The following USP25 variants were observed in gnomAD, a reference collection of about 807,000 sequenced individuals.
USP25 encodes the protein ubiquitin carboxyl-terminal hydrolase 25.
Under a neutral mutation model 158.5 loss-of-function variants are expected in USP25, and 85 were observed. The observed-to-expected ratio is 0.54, with a 90% CI of 0.45 to 0.64. The LOEUF is 0.64. USP25 is among the 30% of genes least tolerant of loss of function. The pLI, the probability that USP25 is intolerant of heterozygous loss-of-function variation, is 0.00. For synonymous variants in USP25, 464 were observed against 460.4 expected (o/e 1.01, Z -0.10); for missense variants, 1,242 against 1,327.3 (o/e 0.94, Z 1.00).
At chr21:15,842,676 C>A in intron 18 of USP25, 136 bp downstream of exon 18, 4 of 1,042,088 alleles carry the variant, frequency 3.8e-6, no homozygotes, top group Non-Finnish European at 5.4e-6. Context: ...GATCAGTGAC[C>A]ATGGGCAAGT....
chr21:15,787,902 A>AACC (rs2035376132), intron 4 of USP25, among the ~76,000 whole-genome samples: 1 of 83,650 alleles, frequency 1.2e-5, no homozygotes, highest in Non-Finnish European at 2.6e-5. Context: ...ACACCCCCTC[A>AACC]CCCCCCCCCC....
At chr21:15,751,702 T>G (rs1002665534) in intron 1 of USP25, among the ~76,000 whole-genome samples, 2 of 152,238 alleles carry the variant, frequency 1.3e-5, no homozygotes, top group African/African-American at 4.8e-5. Flanking sequence ...AAAAACAGAC[T>G]GTGTTCCAAA....
intron 20 of USP25, among the ~76,000 whole-genome samples, chr21:15,863,666 C>G (rs957437436): frequency 2.6e-5 from 4 of 152,172 alleles, no homozygotes; most frequent in Non-Finnish European, 5.9e-5. Context: ...CAGAATTACT[C>G]ACATTGTAAG....
chr21:15,805,177 T>C lies in USP25; in HGVS notation c.699T>C (p.Val233=). The change falls in exon 7 of 26, where the codon GTT becomes GTC. Residue 233 remains valine, a synonymous_variant. Coordinates refer to ENST00000400183, the MANE Select transcript of USP25 (RefSeq NM_001283041.3). ...TGAGGTATCTATTTGCACTTCTTGT[T>C]GGTACCAAAAGGAAGTATGTTGATC... ...RELRYLFALL[V]GTKRKYVDPS... 6.2e-7 allele frequency: 1 copy of C among 1,610,074 alleles called. No individual in the cohort carries two copies. Among genetic ancestry groups the C allele is most frequent in the South Asian group, 1.1e-5 (1 of 90,312 alleles).
chr21:15,775,197 G>A (rs906164104), intron 3 of USP25, among the ~76,000 whole-genome samples: 5 of 151,980 alleles, frequency 3.3e-5, no homozygotes, highest in Non-Finnish European at 7.4e-5. Flanking sequence ...CTTTTTTGTT[G>A]CTTGAATTAC....
At chr21:15,849,951 AG>A in intron 20 of USP25, 79 bp downstream of exon 20, 2 of 1,152,282 alleles carry the variant, frequency 1.7e-6, no homozygotes, top group Non-Finnish European at 2.4e-6. Flanking sequence ...CTTTGAATTC[AG>A]TTTGGTTTTC....
At chr21:15,863,425 T>A (rs1207126730) in intron 20 of USP25, among the ~76,000 whole-genome samples, 1 of 152,172 alleles carries the variant, frequency 6.6e-6, no homozygotes, top group African/African-American at 2.4e-5. Flanking sequence ...CGGGGCTTGA[T>A]GTTGCATTCC....
intron 3 of USP25, among the ~76,000 whole-genome samples, chr21:15,768,353 GA>G (rs1419448526): frequency 6.6e-6 from 1 of 151,998 alleles, no homozygotes; most frequent in Non-Finnish European, 1.5e-5. Flanking sequence ...TATCAAACCA[GA>G]AAAAAATTAA....
intron 12 of USP25, among the ~76,000 whole-genome samples, chr21:15,825,971 A>G (rs1040406262): frequency 2.6e-5 from 4 of 152,178 alleles, no homozygotes; most frequent in Non-Finnish European, 5.9e-5. Flanking sequence ...TTTACAGATT[A>G]TAACAGTATA....
intron 23 of USP25, among the ~76,000 whole-genome samples, chr21:15,873,515 T>C: frequency 6.6e-6 from 1 of 152,094 alleles, no homozygotes; most frequent in East Asian, 1.9e-4. Context: ...CTTCTTTTTT[T>C]TTTGAGACGG....
intron 22 of USP25, among the ~76,000 whole-genome samples, chr21:15,867,293 A>G (rs2039698583): frequency 1.3e-5 from 2 of 152,026 alleles, no homozygotes; most frequent in South Asian, 2.1e-4. Context: ...AGTTCCATTT[A>G]CAAACTTAAT....
Position 15,841,442 on chromosome 21 carries a change from C to T in USP25, c.2195-956C>T, listed in dbSNP as rs2038329395. On this transcript the variant is annotated intron_variant, in intron 17 of 25. Transcript: ENST00000400183. ...TTATATTATGTACTATATTATATACCTGCATCATCTCTTGCCATTTCTCCA... is the reference window on the plus strand; with the variant it reads ...TTATATTATGTACTATATTATATACTTGCATCATCTCTTGCCATTTCTCCA... Among the ~76,000 whole-genome samples, 4 of 152,024 alleles carry T rather than the reference C, an allele frequency of 2.6e-5. No individual in the cohort carries two copies. The South Asian group carries it at 8.3e-4, about 32-fold the overall frequency.
At position 15,842,528 on chromosome 21, in the gene USP25, A is replaced by G; in HGVS notation, c.2325A>G (p.Thr775=). 6.2e-7 allele frequency: 1 copy of G among 1,613,446 alleles called. No individual in the cohort carries two copies. The highest frequency in any genetic ancestry group is 8.5e-7 in the Non-Finnish European group (1 of 1,179,590). Residue 775 remains threonine (T), a synonymous_variant, in exon 18 of 26, where the codon ACA becomes ACG. Transcript: ENST00000400183. The part of the protein sequence containing the change: ...SHEHEDKSPE[T]VLQSKPENTT... ...AGCATGAAGATAAAAGTCCTGAAAC[A>G]GTTTTGCAGTCGGTAAGAACTTTTC...
At position 15,843,764 on chromosome 21, in the gene USP25, A is replaced by G. The variant is rs1360466068; in HGVS notation, c.2337+1224A>G. 1.3e-5 allele frequency among the ~76,000 whole-genome samples: 2 copies of G among 152,176 alleles called. No individual in the cohort carries two copies. The highest frequency in any genetic ancestry group is 2.9e-5 in the Non-Finnish European group (2 of 68,010). On this transcript the variant is annotated intron_variant, in intron 18 of 25. Transcript: ENST00000400183. The surrounding 1 kb of genome is among the most constrained non-coding windows in gnomAD (Gnocchi z 4.0). Reference sequence around the variant, plus strand: ...AAGGAGAAAGAACAGAGGAGTAGGTACAAGGGGAAATAGTTTTGTCTGACA... The same window carrying G: ...AAGGAGAAAGAACAGAGGAGTAGGTGCAAGGGGAAATAGTTTTGTCTGACA...
At chr21:15,825,082 T>C in intron 12 of USP25, 21 bp downstream of exon 12, 1 of 1,532,860 alleles carries the variant, frequency 6.5e-7, no homozygotes, top group East Asian at 2.3e-5. Context: ...TTTTATGAAA[T>C]TAGGAGATAA....
chr21:15,748,454 GTTTTTTTTTTTT>G lies in USP25; in HGVS notation c.46-14422_46-14411del, dbSNP rs71331787. Among the ~76,000 whole-genome samples, 132 of 79,012 alleles carry G rather than the reference GTTTTTTTTTTTT, an allele frequency of 1.7e-3. 1 individual carries two copies. Among genetic ancestry groups the G allele is most frequent in the Non-Finnish European group, 2.3e-3 (95 of 41,628 alleles). 51.8% of individuals were successfully genotyped at this position (79,012 alleles called of 152,430 possible). A position where few individuals can be genotyped will look rare whatever the true frequency, so the allele number is the denominator to read the frequency against. Reference sequence around the variant, plus strand: ...GTACCATCCACCCAGCTACTTTTTAGTTTTTTTTTTTTTTTTTTTTTTTTTTGTAGAGATGGG... The same window carrying G: ...GTACCATCCACCCAGCTACTTTTTAGTTTTTTTTTTTTTTGTAGAGATGGG... On this transcript the variant is annotated intron_variant, in intron 1 of 25. Coordinates refer to ENST00000400183, the MANE Select transcript of USP25 (RefSeq NM_001283041.3).
rs368022898 is a variant in USP25, at chr21:15,805,088, G to A, written c.643-33G>A. ...AAAAATTTTCTTAATCTTCAGTTAA[G>A]GTGTTTTTGTTTTTGTTTTTTTCCT... On this transcript the variant is annotated intron_variant, in intron 6 of 25. Transcript: ENST00000400183. 8.4e-6 allele frequency: 13 copies of A among 1,549,890 alleles called. No individual in the cohort carries two copies. In the African/African-American group the frequency reaches 1.1e-4, roughly 13 times the overall value.
chr21:15,801,960 G>C (rs2036157629), intron 6 of USP25, among the ~76,000 whole-genome samples: 1 of 151,474 alleles, frequency 6.6e-6, no homozygotes, highest in African/African-American at 2.4e-5. Flanking sequence ...TGAACTGTTG[G>C]TAATTTCAGT....
chr21:15,796,348 G>GTTCT (rs1419379472), intron 5 of USP25, among the ~76,000 whole-genome samples: 3 of 151,378 alleles, frequency 2.0e-5, no homozygotes, highest in Non-Finnish European at 3.0e-5. Context: ...ATGTTTTGCT[G>GTTCT]GATTCCAAAA....
Sources: gnomAD v4.1 joint callset for allele counts (sites outside exome capture counted in the v4.1 genomes callset) on GRCh38, gnomAD v4.1.1 for gene constraint, Gnocchi (gnomAD v3.1) non-coding constraint, MANE v1.5 for transcripts, NCBI Gene and HGNC (gene_info 2026-07-23, HGNC 2026-07-21) for gene names.